Variants in LAPTM4A observed in about 807,000 individuals in gnomAD.
LAPTM4A encodes lysosomal protein transmembrane 4 alpha.
Under a neutral mutation model 29.9 loss-of-function variants are expected in LAPTM4A, and 19 were observed. That is an observed-to-expected ratio of 0.64 (90% CI 0.44 to 0.93). LAPTM4A has a LOEUF of 0.93. Among genes scored for constraint, LAPTM4A ranks in the 40% least tolerant of loss-of-function variants. The pLI, the probability that LAPTM4A is intolerant of heterozygous loss-of-function variation, is 0.00. For synonymous variants in LAPTM4A, 105 were observed against 102.1 expected (o/e 1.03, Z -0.17); for missense variants, 293 against 288.5 (o/e 1.02, Z -0.11).
intron 1 of LAPTM4A, among the ~76,000 whole-genome samples, chr2:20,047,576 G>A (rs1673957514): frequency 1.3e-5 from 2 of 150,076 alleles, no homozygotes; most frequent in Non-Finnish European, 3.0e-5. Flanking sequence ...TGTAGTCCCA[G>A]CTACTCGGGA....
intron 2 of LAPTM4A, 53 bp downstream of exon 2, chr2:20,040,838 T>C: frequency 6.6e-7 from 1 of 1,524,206 alleles, no homozygotes; most frequent in South Asian, 1.1e-5. Flanking sequence ...AACACAGGAC[T>C]GTATATAAAA....
chr2:20,040,215 G>A (rs1052027018), intron 2 of LAPTM4A, among the ~76,000 whole-genome samples: 12 of 151,768 alleles, frequency 7.9e-5, no homozygotes, highest in African/African-American at 2.7e-4. Context: ...CTTTCTACTA[G>A]TAGCTACATT....
intron 1 of LAPTM4A, among the ~76,000 whole-genome samples, chr2:20,043,930 C>T (rs113647985): frequency 1.3e-5 from 2 of 152,290 alleles, no homozygotes; most frequent in East Asian, 1.9e-4. Flanking sequence ...CTCAGCACTA[C>T]GTGATTATTA....
chr2:20,051,346 C>A, intron 1 of LAPTM4A, 64 bp downstream of exon 1: 1 of 1,021,320 alleles, frequency 9.8e-7, no homozygotes, highest in Non-Finnish European at 1.5e-6. Flanking sequence ...CAGTCTCACC[C>A]CCTCCGCACC....
Position 20,033,225 on chromosome 2 carries a change from G to A in LAPTM4A, c.682C>T (p.Pro228Ser). The A allele has an allele frequency of 1.2e-6, 2 of 1,614,088 alleles. No individual in the cohort carries two copies. Among genetic ancestry groups the A allele is most frequent in the South Asian group, 2.2e-5 (2 of 91,080 alleles). Reference sequence around the variant, plus strand: ...TTTCTTCAGGCAGGTAAGTAAGGAGGTGGTGGTTCTTTTTCAGGCATTTTC... The same window carrying A: ...TTTCTTCAGGCAGGTAAGTAAGGAGATGGTGGTTCTTTTTCAGGCATTTTC... ...AVKMPEKEPP[P>S]PYLPA The change falls in exon 7 of 7, where the codon CCT becomes TCT. Residue 228 changes from proline (P) to serine (S), a missense_variant. Transcript: ENST00000175091.
Position 20,051,446 on chromosome 2 carries a change from G to C in LAPTM4A, c.75C>G (p.Val25=). 2 of 1,613,408 alleles carry C rather than the reference G, an allele frequency of 1.2e-6. No homozygotes were observed. Among genetic ancestry groups the C allele is most frequent in the Non-Finnish European group, 1.7e-6 (2 of 1,179,682 alleles). The change falls in exon 1 of 7, where the codon GTC becomes GTG. Residue 25 remains valine (V), a synonymous_variant. Transcript: ENST00000175091. ...YSTRCCGCCH[V]RTGTIILGTW... is the part of the protein sequence containing the mutation. Reference sequence around the variant, plus strand: ...TCCCCAGGATGATCGTCCCGGTGCGGACATGGCAACAGCCGCAGCACCGGG... The same window carrying C: ...TCCCCAGGATGATCGTCCCGGTGCGCACATGGCAACAGCCGCAGCACCGGG...
At chr2:20,034,181 G>A (rs1673633446) in intron 6 of LAPTM4A, 136 bp downstream of exon 6, 1 of 690,670 alleles carries the variant, frequency 1.4e-6, no homozygotes, top group Admixed American at 2.3e-5. Context: ...TGGATTTTAA[G>A]CTGTTCATAA....
intron 1 of LAPTM4A, among the ~76,000 whole-genome samples, chr2:20,049,982 G>A (rs1033093193): frequency 6.6e-6 from 1 of 152,202 alleles, no homozygotes; most frequent in African/African-American, 2.4e-5. Context: ...TAATGCAGCT[G>A]ATGGTCATTA....
intron 6 of LAPTM4A, 96 bp downstream of exon 6, chr2:20,034,221 G>A: frequency 2.3e-6 from 2 of 868,000 alleles, no homozygotes; most frequent in African/African-American, 1.7e-5. Context: ...CCAAACCATA[G>A]GTTACAGCAT....
chr2:20,042,825 T>C (rs1673830478), intron 1 of LAPTM4A, among the ~76,000 whole-genome samples: 1 of 152,244 alleles, frequency 6.6e-6, no homozygotes, highest in Admixed American at 6.5e-5. Context: ...TCACGTAGGA[T>C]TGGAGTTAGG....
chr2:20,045,076 G>A (rs758954538), intron 1 of LAPTM4A, among the ~76,000 whole-genome samples: 2 of 152,130 alleles, frequency 1.3e-5, no homozygotes, highest in South Asian at 2.1e-4. Context: ...ACCAACGAAC[G>A]CCTACCTTGT....
chr2:20,042,732 G>A (rs1222538140), intron 1 of LAPTM4A, among the ~76,000 whole-genome samples: 1 of 152,162 alleles, frequency 6.6e-6, no homozygotes, highest in Non-Finnish European at 1.5e-5. Context: ...TGTAGTTGTT[G>A]GCCAATCCCT....
chr2:20,034,295 A>G (rs1036873554), intron 6 of LAPTM4A, 22 bp downstream of exon 6: 7 of 1,505,624 alleles, frequency 4.6e-6, no homozygotes, highest in Non-Finnish European at 6.5e-6. Context: ...GTGACCTTTT[A>G]CTCTATCCAA....
chr2:20,049,129 A>G (rs2148216132), intron 1 of LAPTM4A, among the ~76,000 whole-genome samples: 1 of 152,328 alleles, frequency 6.6e-6, no homozygotes, highest in Middle Eastern at 3.4e-3. Context: ...TACCATAAAT[A>G]TCTTAAGGGC....
chr2:20,041,132 A>AGT, intron 1 of LAPTM4A, 121 bp from the exon 2 acceptor site: 2 of 821,924 alleles, frequency 2.4e-6, no homozygotes, highest in East Asian at 5.2e-5. Context: ...GATATAAAAT[A>AGT]GTGGGAGACT....
At chr2:20,037,205 C>G in intron 4 of LAPTM4A, 111 bp downstream of exon 4, 1 of 889,012 alleles carries the variant, frequency 1.1e-6, no homozygotes, top group East Asian at 2.7e-5. Flanking sequence ...AAGACACTTT[C>G]AAAAGCAAGC....
At chr2:20,039,111 T>C (rs1315151572) in intron 2 of LAPTM4A, among the ~76,000 whole-genome samples, 1 of 152,112 alleles carries the variant, frequency 6.6e-6, no homozygotes, top group Non-Finnish European at 1.5e-5. Flanking sequence ...GAGACAGGAT[T>C]TCACCATGTT....
intron 1 of LAPTM4A, among the ~76,000 whole-genome samples, chr2:20,042,467 C>T (rs546941530): frequency 2.2e-4 from 33 of 152,318 alleles, no homozygotes; most frequent in African/African-American, 7.7e-4. Flanking sequence ...GATTCTGACA[C>T]ACTACAGATT....
At chr2:20,035,614 T>C (rs1476359860) in intron 4 of LAPTM4A, among the ~76,000 whole-genome samples, 1 of 152,254 alleles carries the variant, frequency 6.6e-6, no homozygotes, top group East Asian at 1.9e-4. Context: ...GCATCAGCTA[T>C]ATTCATTTAA....
Sources: gnomAD v4.1 joint callset for allele counts (sites outside exome capture counted in the v4.1 genomes callset) on GRCh38, gnomAD v4.1.1 for gene constraint, MANE v1.5 for transcripts, NCBI Gene and HGNC (gene_info 2026-07-23, HGNC 2026-07-21) for gene names.